Variants in CHL1 observed in about 807,000 individuals in gnomAD.
CHL1 encodes neural cell adhesion molecule L1-like protein.
In CHL1, 96 loss-of-function variants were observed where a neutral mutation model predicts 141.9. That is an observed-to-expected ratio of 0.68 (90% confidence interval 0.57 to 0.80). CHL1 has a LOEUF of 0.80. CHL1 is among the 30% of genes least tolerant of loss of function. The pLI is 0.00. For missense variants in CHL1, 1,820 were observed against 1,457.2 expected (o/e 1.25, Z -4.05); for synonymous variants, 613 against 502.2 (o/e 1.22, Z -2.95).
chr3:263,320 G>A (rs1694890719), intron 2 of CHL1, among the ~76,000 whole-genome samples: 1 of 151,450 alleles, frequency 6.6e-6, no homozygotes, highest in Non-Finnish European at 1.5e-5. Flanking sequence ...TCTTAGAGTA[G>A]TTAATCCGGA....
chr3:360,237 T>G, intron 11 of CHL1, 47 bp from the exon 12 acceptor site: 1 of 1,601,842 alleles, frequency 6.2e-7, no homozygotes, highest in Non-Finnish European at 8.5e-7. Flanking sequence ...GTATAAATAT[T>G]TTATGTCCTG....
At chr3:371,408 T>C (rs892789775) in intron 15 of CHL1, among the ~76,000 whole-genome samples, 1 of 152,210 alleles carries the variant, frequency 6.6e-6, no homozygotes, top group Non-Finnish European at 1.5e-5. Context: ...GTTTGTTTTG[T>C]CAGAGACTAG....
Position 407,180 on chromosome 3 carries a change from C to T in CHL1, c.*1469C>T, listed in dbSNP as rs1709582356. 1 of 152,078 alleles carries T rather than the reference C, an allele frequency of 6.6e-6. No homozygotes were observed. Among genetic ancestry groups the T allele is most frequent in the Non-Finnish European group, 1.5e-5 (1 of 68,008 alleles). 9.4% of individuals were successfully genotyped at this position (152,078 alleles called of 1,614,324 possible). A position where few individuals can be genotyped will look rare whatever the true frequency, so the allele number is the denominator to read the frequency against. On this transcript the variant is annotated 3_prime_UTR_variant, in exon 28 of 28. Transcript: ENST00000256509. Reference sequence around the variant, plus strand: ...CATTTTATGGAAAGATTTTTTTAACCTTACCACGAAATACTTAACTACTGT... The same window carrying T: ...CATTTTATGGAAAGATTTTTTTAACTTTACCACGAAATACTTAACTACTGT...
intron 18 of CHL1, 107 bp downstream of exon 18, chr3:382,778 C>A: frequency 3.1e-6 from 3 of 969,242 alleles, no homozygotes; most frequent in East Asian, 2.6e-5. Flanking sequence ...TTAGATTTCT[C>A]CAAATAGTGT....
intron 1 of CHL1, among the ~76,000 whole-genome samples, chr3:230,341 A>T (rs1337970574): frequency 6.6e-6 from 1 of 152,178 alleles, no homozygotes; most frequent in African/African-American, 2.4e-5. Context: ...ACACTGACAA[A>T]ATCCCAAGTA....
chr3:337,467 T>G (rs182589967), intron 5 of CHL1, among the ~76,000 whole-genome samples: 2 of 152,058 alleles, frequency 1.3e-5, no homozygotes, highest in Admixed American at 1.3e-4. Flanking sequence ...GCTGCACCCA[T>G]TAACTCATCA....
chr3:290,617 A>C (rs1253449834), intron 2 of CHL1, among the ~76,000 whole-genome samples: 1 of 152,176 alleles, frequency 6.6e-6, no homozygotes, highest in Non-Finnish European at 1.5e-5. Context: ...ATCACTCTCT[A>C]CTTCTGACCC....
intron 9 of CHL1, among the ~76,000 whole-genome samples, chr3:346,174 G>T (rs1384753809): frequency 1.3e-5 from 2 of 152,140 alleles, no homozygotes; most frequent in Non-Finnish European, 2.9e-5. Context: ...TGGTTTTACA[G>T]CCCCTAAGCT....
At chr3:197,600 C>T (rs1421201806) in intron 1 of CHL1, 1 of 355,578 alleles carries the variant, frequency 2.8e-6, no homozygotes, top group Admixed American at 3.8e-5. Context: ...TGTGGCTCCT[C>T]CTCTCAGGAG....
intron 1 of CHL1, among the ~76,000 whole-genome samples, chr3:212,897 C>A (rs995834288): frequency 2.6e-5 from 4 of 152,244 alleles, no homozygotes; most frequent in African/African-American, 9.6e-5. Context: ...TGTGTCATAT[C>A]TTTGTGCCAA....
intron 15 of CHL1, among the ~76,000 whole-genome samples, chr3:375,426 CT>C (rs1320991559): frequency 6.6e-6 from 1 of 151,700 alleles, no homozygotes; most frequent in African/African-American, 2.4e-5. Context: ...ATAGGAGCTG[CT>C]TTTTTCCCCC....
chr3:311,939 C>T (rs770416164), intron 2 of CHL1, among the ~76,000 whole-genome samples: 23 of 152,090 alleles, frequency 1.5e-4, no homozygotes, highest in Non-Finnish European at 3.1e-4. Flanking sequence ...CATGAATTTC[C>T]GTAATTTTCT....
At chr3:328,633 T>C (rs1701197073) in intron 5 of CHL1, among the ~76,000 whole-genome samples, 1 of 152,156 alleles carries the variant, frequency 6.6e-6, no homozygotes, top group Admixed American at 6.6e-5. Flanking sequence ...AACATATTAT[T>C]AGTTAAACTT....
chr3:331,500 C>G (rs1261224840), intron 5 of CHL1, among the ~76,000 whole-genome samples: 2 of 152,008 alleles, frequency 1.3e-5, no homozygotes, highest in Non-Finnish European at 2.9e-5. Flanking sequence ...CCTCAGTGTC[C>G]CAAAGTGCTG....
chr3:259,316 G>C (rs560884283), intron 2 of CHL1, among the ~76,000 whole-genome samples: 1 of 150,724 alleles, frequency 6.6e-6, no homozygotes, highest in South Asian at 2.1e-4. Context: ...GTGTGTGTGT[G>C]TGCATGCGTG....
chr3:271,086 C>G (rs745381814), intron 2 of CHL1, among the ~76,000 whole-genome samples: 5 of 152,138 alleles, frequency 3.3e-5, no homozygotes, highest in Non-Finnish European at 7.3e-5. Flanking sequence ...TGTTTTAAAT[C>G]TATCACCCTG....
intron 1 of CHL1, among the ~76,000 whole-genome samples, chr3:207,782 A>C (rs1369548228): frequency 6.6e-6 from 1 of 152,224 alleles, no homozygotes; most frequent in African/African-American, 2.4e-5. Flanking sequence ...TCAGAGGAGC[A>C]AACTTCAAAG....
At chr3:314,309 T>C (rs1809877) in intron 2 of CHL1, among the ~76,000 whole-genome samples, 6,228 of 97,748 alleles carry the variant, frequency 0.064, 593 homozygotes, top group African/African-American at 0.18. Flanking sequence ...CTCTCTCTCT[T>C]TCTCTCTCTC....
rs562330136 is a variant in CHL1 at position 270,019 on chromosome 3, G to C, written c.-95+25327G>C. On this transcript the variant is annotated intron_variant, in intron 2 of 27. Coordinates refer to ENST00000256509, the MANE Select transcript of CHL1 (RefSeq NM_006614.4). ...ACCCAGTAGAGGGGCCAGGCTAGAA[G>C]AGATGTGATAATTCCAAGGTGCTAA... Among the ~76,000 whole-genome samples the C allele has an allele frequency of 8.1e-4, 123 of 152,316 alleles. 1 individual carries two copies. Among genetic ancestry groups the C allele is most frequent in the Non-Finnish European group, 1.5e-3 (105 of 68,040 alleles).
Sources: allele counts gnomAD v4.1 joint callset (sites outside exome capture counted in the v4.1 genomes callset), GRCh38; gene constraint gnomAD v4.1.1; transcripts MANE v1.5; gene names NCBI Gene and HGNC (gene_info 2026-07-23, HGNC 2026-07-21).